The following ARHGAP23 variants were observed in gnomAD, a reference collection of about 807,000 sequenced individuals.
ARHGAP23 encodes Rho GTPase activating protein 23, also known as rho GTPase-activating protein 23.
ARHGAP23 carries 34 observed loss-of-function variants against 136.3 expected under a neutral mutation model. The observed-to-expected ratio is 0.25, with a 90% CI of 0.19 to 0.33. The LOEUF (loss-of-function observed/expected upper bound fraction) is 0.33. Among genes scored for constraint, ARHGAP23 ranks in the 10% least tolerant of loss-of-function variants. The pLI, the probability that ARHGAP23 is intolerant of heterozygous loss-of-function variation, is 1.00. For synonymous variants in ARHGAP23, 832 were observed against 920.5 expected, an observed-to-expected ratio of 0.90 and a Z score of 1.74; for missense variants, 1,808 against 2,139.0, an observed-to-expected ratio of 0.85 and a Z score of 3.05.
intron 1 of ARHGAP23, among the ~76,000 whole-genome samples, chr17:38,442,803 A>G (rs1358428566): frequency 6.6e-6 from 1 of 152,178 alleles, no homozygotes; most frequent in East Asian, 1.9e-4. Context: ...GTGGGGGCCA[A>G]GGCGCGTCCC....
intron 22 of ARHGAP23, chr17:38,500,304 TCAAAGA>T (rs2040492644): frequency 2.1e-6 from 1 of 472,070 alleles, no homozygotes; most frequent in Non-Finnish European, 3.8e-6. Flanking sequence ...GGAACCAGGC[TCAAAGA>T]CAATGCCCCC....
At chr17:38,482,901 G>A (rs1328481299) in intron 16 of ARHGAP23, among the ~76,000 whole-genome samples, 1 of 152,226 alleles carries the variant, frequency 6.6e-6, no homozygotes, top group African/African-American at 2.4e-5. Context: ...ATGCAGTCAT[G>A]GCCTGGGGAG....
intron 11 of ARHGAP23, among the ~76,000 whole-genome samples, chr17:38,476,727 T>C (rs1426519750): frequency 6.6e-6 from 1 of 152,188 alleles, no homozygotes; most frequent in Non-Finnish European, 1.5e-5. Context: ...CGGGGTCTCT[T>C]ACCCTCAGCT....
chr17:38,507,128 G>T (rs1479000553), intron 23 of ARHGAP23, among the ~76,000 whole-genome samples: 2 of 151,914 alleles, frequency 1.3e-5, no homozygotes, highest in Non-Finnish European at 2.9e-5. Flanking sequence ...ACAAAAATTA[G>T]CCAGGTGTGG....
At chr17:38,502,032 G>A (rs1194356406) in intron 23 of ARHGAP23, among the ~76,000 whole-genome samples, 1 of 152,138 alleles carries the variant, frequency 6.6e-6, no homozygotes, top group African/African-American at 2.4e-5. Flanking sequence ...AGGGTGGCTG[G>A]GCACCATGGC....
chr17:38,470,110 C>T (rs1302830859), intron 10 of ARHGAP23, among the ~76,000 whole-genome samples: 1 of 152,220 alleles, frequency 6.6e-6, no homozygotes. Flanking sequence ...CCATGCAGCC[C>T]CGCCCATGGG....
intron 20 of ARHGAP23, among the ~76,000 whole-genome samples, chr17:38,495,155 C>T (rs944949502): frequency 1.3e-5 from 2 of 152,060 alleles, no homozygotes; most frequent in African/African-American, 4.8e-5. Context: ...AATAGACTTA[C>T]AGAGGGAAAG....
At chr17:38,468,695 T>A (rs1042332834) in intron 7 of ARHGAP23, among the ~76,000 whole-genome samples, 1 of 152,176 alleles carries the variant, frequency 6.6e-6, no homozygotes, top group African/African-American at 2.4e-5. Flanking sequence ...GGAGATGTCA[T>A]CTCTGCCCTT....
chr17:38,486,980 A>C (rs1159327142), intron 17 of ARHGAP23, among the ~76,000 whole-genome samples: 1 of 152,152 alleles, frequency 6.6e-6, no homozygotes, highest in Admixed American at 6.5e-5. Flanking sequence ...GTGCTGGCAG[A>C]TGTTTAACAT....
intron 1 of ARHGAP23, among the ~76,000 whole-genome samples, chr17:38,428,833 A>G (rs1400123324): frequency 6.6e-6 from 1 of 152,040 alleles, no homozygotes; most frequent in African/African-American, 2.4e-5. Context: ...TGGCGGTGCC[A>G]GGCCCCCAGC....
chr17:38,454,767 G>A (rs1419254157), intron 1 of ARHGAP23, among the ~76,000 whole-genome samples: 2 of 152,172 alleles, frequency 1.3e-5, no homozygotes, highest in African/African-American at 4.8e-5. Context: ...TCCCTGCAAT[G>A]ACCTCTTTAT....
At chr17:38,429,209 CGGGGTGCCA>C (rs2038633257) in intron 1 of ARHGAP23, among the ~76,000 whole-genome samples, 1 of 152,198 alleles carries the variant, frequency 6.6e-6, no homozygotes, top group Non-Finnish European at 1.5e-5. Context: ...GGTCAGAGCG[CGGGGTGCCA>C]GGGGCATTAC....
Position 38,510,805 on chromosome 17 carries a change from C to T in ARHGAP23, c.4309C>T (p.Arg1437Trp), listed in dbSNP as rs1294217904. 5 of 1,504,224 alleles carry T rather than the reference C, an allele frequency of 3.3e-6. No homozygotes were observed. Among genetic ancestry groups the T allele is most frequent in the Non-Finnish European group, 1.8e-6 (2 of 1,129,818 alleles). The allele number at this position is 1,504,224 out of a possible 1,614,324, so 93.2% of individuals were successfully genotyped here. Residue 1437 changes from arginine (R) to tryptophan (W), a missense_variant, in exon 24 of 24, where the codon CGG becomes TGG. Arg to Trp is a moderately radical substitution (Grantham distance 101). Coordinates refer to ENST00000622683, the MANE Select transcript of ARHGAP23 (RefSeq NM_001199417.2). This position sits in a 1 kb window ranked among gnomAD's most constrained non-coding sequence, Gnocchi z 4.6. The part of the protein sequence containing the change: ...GGGPPEPAGA[R>W]AHSDNKDSGL... ...GGGCCCCCCGGAGCCTGCGGGCGCGCGGGCGCACAGTGACAACAAGGACTC... is the reference window on the plus strand; with the variant it reads ...GGGCCCCCCGGAGCCTGCGGGCGCGTGGGCGCACAGTGACAACAAGGACTC...
Position 38,497,518 on chromosome 17 carries a change from C to A in ARHGAP23, c.3277-267C>A, listed in dbSNP as rs543472808. 1.2e-4 allele frequency among the ~76,000 whole-genome samples: 19 copies of A among 152,372 alleles called. No homozygotes were observed. The South Asian group carries it at 2.5e-3, about 20-fold the overall frequency. ...AGCTCTCCCTAAGCCTATCTCCTGT[C>A]TGAGGTGAATGCTCCCACTCCCTGC... is the stretch of plus-strand genomic sequence containing the variant. On this transcript the variant is annotated intron_variant, in intron 20 of 23. Transcript: ENST00000622683.
At chr17:38,489,126 C>T (rs779802716) in intron 17 of ARHGAP23, among the ~76,000 whole-genome samples, 13 of 152,140 alleles carry the variant, frequency 8.5e-5, no homozygotes, top group Admixed American at 2.0e-4. Flanking sequence ...TCAGCTGATG[C>T]GCCTCAGCCT....
intron 11 of ARHGAP23, among the ~76,000 whole-genome samples, chr17:38,473,306 C>A (rs1010633020): frequency 5.3e-5 from 8 of 152,042 alleles, no homozygotes; most frequent in Non-Finnish European, 8.8e-5. Context: ...TTGGGGGTCC[C>A]TGGAAAGAAC....
chr17:38,468,200 C>G (rs1191360643), intron 7 of ARHGAP23, among the ~76,000 whole-genome samples: 4 of 152,150 alleles, frequency 2.6e-5, no homozygotes, highest in African/African-American at 9.7e-5. Flanking sequence ...TTGTGAGGAC[C>G]CTTTCAGGCC....
intron 20 of ARHGAP23, 108 bp downstream of exon 20, chr17:38,491,640 C>T (rs1387251289): frequency 3.1e-5 from 45 of 1,454,152 alleles, no homozygotes; most frequent in South Asian, 6.5e-5. Context: ...AGGAAGGGCT[C>T]GGCAGCTTTA....
intron 11 of ARHGAP23, among the ~76,000 whole-genome samples, chr17:38,473,024 C>T (rs1232133112): frequency 6.6e-6 from 1 of 152,162 alleles, no homozygotes; most frequent in Admixed American, 6.5e-5. Flanking sequence ...ACAACCTCCA[C>T]CTCCTGGGTT....
Sources: gnomAD v4.1 joint callset for allele counts (sites outside exome capture counted in the v4.1 genomes callset) on GRCh38, gnomAD v4.1.1 for gene constraint, Gnocchi (gnomAD v3.1) non-coding constraint, MANE v1.5 for transcripts, NCBI Gene and HGNC (gene_info 2026-07-23, HGNC 2026-07-21) for gene names.